MCCC2: variants seen among roughly 807,000 people sequenced by gnomAD.
The protein encoded by MCCC2 is methylcrotonyl-CoA carboxylase subunit 2, also known as methylcrotonoyl-CoA carboxylase beta chain, mitochondrial.
A neutral mutation model predicts 77.2 loss-of-function variants in MCCC2; 52 were observed. The ratio of observed to expected loss-of-function variants is 0.67; its 90% CI spans 0.54 to 0.85. The LOEUF is 0.85. Ranked by LOEUF, MCCC2 falls within the 40% of genes least tolerant of loss-of-function variation. The pLI, the probability that MCCC2 is intolerant of heterozygous loss-of-function variation, is 0.00. For missense variants in MCCC2, 682 were observed against 703.2 expected (o/e 0.97, Z 0.34); for synonymous variants, 253 against 248.4 (o/e 1.02, Z -0.18).
intron 6 of MCCC2, among the ~76,000 whole-genome samples, chr5:71,624,973 C>T (rs1746490550): frequency 6.6e-6 from 1 of 152,066 alleles, no homozygotes; most frequent in East Asian, 1.9e-4. Context: ...GGATTACAGG[C>T]ATGAGCCACT....
intron 6 of MCCC2, among the ~76,000 whole-genome samples, chr5:71,607,663 G>A: frequency 6.8e-6 from 1 of 146,444 alleles, no homozygotes. Flanking sequence ...TTTTAATTGT[G>A]ATGTTAGGGT....
chr5:71,615,389 A>G (rs1427978100), intron 6 of MCCC2, among the ~76,000 whole-genome samples: 1 of 152,152 alleles, frequency 6.6e-6, no homozygotes, highest in Non-Finnish European at 1.5e-5. Flanking sequence ...GCCTCTTGGT[A>G]TCATCATTTT....
rs769016404 is a variant in MCCC2, at chr5:71,632,129, G to A, written c.747G>A (p.Ala249=). ...TTTTATCCTTGTTGTAGGTTAAAGC[G>A]GCAACTGGGGAAGAAGTATCTGCTG... ...IFLAGPPLVK[A]ATGEEVSAED... The change falls in exon 8 of 17, where the codon GCG becomes GCA. Residue 249 remains alanine, a synonymous_variant. Coordinates refer to ENST00000340941, the MANE Select transcript of MCCC2 (RefSeq NM_022132.5). The A allele has an allele frequency of 5.6e-6, 9 of 1,614,008 alleles. No individual in the cohort carries two copies. The African/African-American group carries it at 6.7e-5, about 12-fold the overall frequency.
chr5:71,633,314 A>G (rs1251830289), intron 8 of MCCC2, among the ~76,000 whole-genome samples: 2 of 151,558 alleles, frequency 1.3e-5, no homozygotes, highest in East Asian at 1.9e-4. Flanking sequence ...TGTAGGCAAT[A>G]TATTATGTTA....
chr5:71,591,023 CT>C (rs1350266911), intron 1 of MCCC2, among the ~76,000 whole-genome samples: 2 of 152,092 alleles, frequency 1.3e-5, no homozygotes, highest in Non-Finnish European at 2.9e-5. Flanking sequence ...ATGCTGCTTC[CT>C]TGTTTTTTAT....
chr5:71,632,227 T>TTTTG (rs775188530), intron 8 of MCCC2, 42 bp downstream of exon 8: 1 of 1,593,754 alleles, frequency 6.3e-7, no homozygotes, highest in Non-Finnish European at 8.6e-7. Flanking sequence ...TTGAGTGTCA[T>TTTTG]TTTGTTTGTT....
chr5:71,596,812 T>C (rs962837659), intron 3 of MCCC2, among the ~76,000 whole-genome samples: 2 of 151,896 alleles, frequency 1.3e-5, no homozygotes, highest in African/African-American at 4.8e-5. Context: ...TGGTGGCATG[T>C]GCTTGTAGTC....
intron 10 of MCCC2, among the ~76,000 whole-genome samples, chr5:71,637,406 A>G (rs767267188): frequency 6.6e-6 from 1 of 152,254 alleles, no homozygotes; most frequent in Non-Finnish European, 1.5e-5. Context: ...TATTTATACT[A>G]TATTGTAGTC....
At chr5:71,591,536 G>A (rs1353838996) in intron 1 of MCCC2, among the ~76,000 whole-genome samples, 2 of 148,856 alleles carry the variant, frequency 1.3e-5, no homozygotes, top group African/African-American at 5.0e-5. Context: ...TCCCGGGTTC[G>A]AGGGATTCTC....
At chr5:71,616,854 C>CT (rs1339454322) in intron 6 of MCCC2, among the ~76,000 whole-genome samples, 1 of 151,936 alleles carries the variant, frequency 6.6e-6, no homozygotes, top group Non-Finnish European at 1.5e-5. Flanking sequence ...TGGTTTCACC[C>CT]TTGGGCAGTT....
intron 3 of MCCC2, among the ~76,000 whole-genome samples, chr5:71,598,166 G>A (rs1382805136): frequency 6.6e-6 from 1 of 151,558 alleles, no homozygotes; most frequent in Non-Finnish European, 1.5e-5. Context: ...CCGCCTCCTG[G>A]GTTCAAGCGA....
At chr5:71,647,661 G>A (rs1747306713) in intron 13 of MCCC2, among the ~76,000 whole-genome samples, 1 of 152,174 alleles carries the variant, frequency 6.6e-6, no homozygotes, top group African/African-American at 2.4e-5. Flanking sequence ...CACAGGAGAG[G>A]TGTTTTAGGT....
intron 15 of MCCC2, among the ~76,000 whole-genome samples, chr5:71,651,690 T>A (rs567512997): frequency 4.6e-5 from 7 of 152,188 alleles, no homozygotes; most frequent in Non-Finnish European, 1.0e-4. Flanking sequence ...GAGACTTACA[T>A]TGAGGTTTCA....
At chr5:71,649,854 A>T (rs1747384117) in intron 14 of MCCC2, among the ~76,000 whole-genome samples, 1 of 152,192 alleles carries the variant, frequency 6.6e-6, no homozygotes, top group South Asian at 2.1e-4. Context: ...CCAGAATTAC[A>T]TGGAGAACTT....
At chr5:71,594,327 G>A (rs1455987837) in intron 2 of MCCC2, among the ~76,000 whole-genome samples, 2 of 152,010 alleles carry the variant, frequency 1.3e-5, no homozygotes, top group East Asian at 1.9e-4. Context: ...TCAGGAGTTC[G>A]AGACCAGACT....
intron 8 of MCCC2, among the ~76,000 whole-genome samples, chr5:71,633,114 TATATATATATATATATATTTTTA>T (rs1561841320): frequency 6.0e-5 from 6 of 99,388 alleles, no homozygotes; most frequent in African/African-American, 2.5e-4. Flanking sequence ...TATATATATA[TATATATATATATATATATTTTTA>T]TTTTTTGTAG....
chr5:71,621,975 T>C (rs1746364964), intron 6 of MCCC2, among the ~76,000 whole-genome samples: 1 of 152,134 alleles, frequency 6.6e-6, no homozygotes, highest in Non-Finnish European at 1.5e-5. Flanking sequence ...TATCTCACAT[T>C]GCATGCCTGT....
intron 16 of MCCC2, among the ~76,000 whole-genome samples, chr5:71,655,565 G>A (rs994784728): frequency 6.6e-6 from 1 of 152,212 alleles, no homozygotes; most frequent in Non-Finnish European, 1.5e-5. Flanking sequence ...CCTGGTTGCA[G>A]ATGACAAGAG....
At chr5:71,611,769 C>T (rs1265697376) in intron 6 of MCCC2, among the ~76,000 whole-genome samples, 1 of 151,618 alleles carries the variant, frequency 6.6e-6, no homozygotes, top group African/African-American at 2.4e-5. Flanking sequence ...AACTATATCT[C>T]AAATACTTTA....
Sources: allele counts gnomAD v4.1 joint callset (sites outside exome capture counted in the v4.1 genomes callset), GRCh38; gene constraint gnomAD v4.1.1; transcripts MANE v1.5; gene names NCBI Gene and HGNC (gene_info 2026-07-23, HGNC 2026-07-21).